The following TFDP2 variants were observed in gnomAD, a reference collection of about 807,000 sequenced individuals.
TFDP2 encodes transcription factor Dp-2.
Under a neutral mutation model 59.3 loss-of-function variants are expected in TFDP2, and 17 were observed. The observed-to-expected ratio is 0.29, with a 90% CI of 0.20 to 0.43. The LOEUF (loss-of-function observed/expected upper bound fraction) is 0.43. Among genes scored for constraint, TFDP2 ranks in the 20% least tolerant of loss-of-function variants. TFDP2 has a pLI of 1.00. For synonymous variants in TFDP2, 180 were observed against 194.7 expected (o/e 0.92, Z 0.63); for missense variants, 391 against 528.8 (o/e 0.74, Z 2.56).
At chr3:142,029,870 A>G (rs1267968575) in intron 3 of TFDP2, among the ~76,000 whole-genome samples, 1 of 152,204 alleles carries the variant, frequency 6.6e-6, no homozygotes, top group African/African-American at 2.4e-5. Context: ...CCAAACAAAA[A>G]ATCTCTGTCT....
At position 141,949,378 on chromosome 3, in the gene TFDP2, C is replaced by G. The variant is rs1394262770; in HGVS notation, c.*3135G>C. 2 of 152,228 alleles carry G rather than the reference C, an allele frequency of 1.3e-5. No homozygotes were observed. The highest frequency in any genetic ancestry group is 2.9e-5 in the Non-Finnish European group (2 of 68,068). 9.4% of individuals were successfully genotyped at this position (152,228 alleles called of 1,614,324 possible). A position where few individuals can be genotyped will look rare whatever the true frequency, so the allele number is the denominator to read the frequency against. ...TGGAGGACCGCCATGTTGGTCGCTC[C>G]TTTCCCGCCCTCCTCCAAGGCCCAC... On this transcript the variant is annotated 3_prime_UTR_variant, in exon 13 of 13. Transcript: ENST00000489671.
At chr3:141,999,181 G>A (rs147750141) in intron 4 of TFDP2, among the ~76,000 whole-genome samples, 11 of 152,258 alleles carry the variant, frequency 7.2e-5, no homozygotes, top group African/African-American at 1.7e-4. Flanking sequence ...ACGTGAAGAC[G>A]TCGAGGATGA....
At chr3:142,143,183 C>G (rs2063026150) in intron 1 of TFDP2, among the ~76,000 whole-genome samples, 1 of 152,046 alleles carries the variant, frequency 6.6e-6, no homozygotes, top group Admixed American at 6.5e-5. Context: ...TTGCAGTGAG[C>G]TGGTATCAAG....
At chr3:142,088,769 C>CCCAGACCA (rs1458167406) in intron 3 of TFDP2, among the ~76,000 whole-genome samples, 1 of 151,768 alleles carries the variant, frequency 6.6e-6, no homozygotes, top group Non-Finnish European at 1.5e-5. Context: ...AGCTACTGTG[C>CCCAGACCA]CCAGACCAGC....
intron 7 of TFDP2, among the ~76,000 whole-genome samples, chr3:141,977,232 G>T (rs1184088912): frequency 6.7e-6 from 1 of 148,886 alleles, no homozygotes; most frequent in Non-Finnish European, 1.5e-5. Context: ...GGAGTAGCTG[G>T]GACTACAGGT....
intron 8 of TFDP2, among the ~76,000 whole-genome samples, chr3:141,973,123 A>ATATATATATATATTTTTTT: frequency 1.6e-4 from 9 of 58,022 alleles, no homozygotes; most frequent in Admixed American, 3.6e-4. Flanking sequence ...ATATATATAT[A>ATATATATATATATTTTTTT]TTTTTTTTTT....
chr3:142,085,242 C>A (rs1268054766), intron 3 of TFDP2, among the ~76,000 whole-genome samples: 1 of 151,046 alleles, frequency 6.6e-6, no homozygotes, highest in Non-Finnish European at 1.5e-5. Flanking sequence ...TTATAAATAA[C>A]TAAAACAGTG....
At chr3:141,983,249 G>C (rs1941678050) in intron 6 of TFDP2, among the ~76,000 whole-genome samples, 1 of 152,052 alleles carries the variant, frequency 6.6e-6, no homozygotes, top group Non-Finnish European at 1.5e-5. Context: ...AAGCCACTTT[G>C]AAAGTTAAGC....
At chr3:142,042,737 CTTTTTTTTTT>C (rs1162932187) in intron 3 of TFDP2, among the ~76,000 whole-genome samples, 3 of 75,162 alleles carry the variant, frequency 4.0e-5, no homozygotes, top group Non-Finnish European at 7.6e-5. Context: ...TGCCTGGACG[CTTTTTTTTTT>C]TTTTTTTTTT....
intron 3 of TFDP2, among the ~76,000 whole-genome samples, chr3:142,032,554 G>A (rs897610958): frequency 3.7e-4 from 57 of 152,106 alleles, no homozygotes; most frequent in African/African-American, 1.3e-3. Context: ...GGCTTTTTCT[G>A]TTCTGCTGTA....
At chr3:142,096,356 T>C (rs1410617273) in intron 2 of TFDP2, among the ~76,000 whole-genome samples, 1 of 152,188 alleles carries the variant, frequency 6.6e-6, no homozygotes, top group Non-Finnish European at 1.5e-5. Context: ...AGCGAAAGCA[T>C]CCTAAAATAT....
chr3:142,042,737 CTT>C (rs1162932187), intron 3 of TFDP2, among the ~76,000 whole-genome samples: 1 of 75,158 alleles, frequency 1.3e-5, no homozygotes, highest in African/African-American at 6.1e-5. Flanking sequence ...TGCCTGGACG[CTT>C]TTTTTTTTTT....
intron 1 of TFDP2, among the ~76,000 whole-genome samples, chr3:142,129,290 G>A (rs916109521): frequency 6.8e-6 from 1 of 147,266 alleles, no homozygotes; most frequent in African/African-American, 2.4e-5. Context: ...GTTGCTGGAG[G>A]AAGTAACAGC....
intron 3 of TFDP2, chr3:142,028,510 G>C: frequency 3.1e-6 from 3 of 952,726 alleles, no homozygotes; most frequent in Non-Finnish European, 3.7e-6. Context: ...TATTGCTGCT[G>C]CTTAAAGAAT....
chr3:141,978,299 C>T (rs892591493), intron 7 of TFDP2, among the ~76,000 whole-genome samples: 4 of 151,328 alleles, frequency 2.6e-5, no homozygotes, highest in African/African-American at 2.4e-5. Context: ...GAGCCGAGAT[C>T]GCGCCACTGA....
In TFDP2 at chr3:142,038,168, A is replaced by T. The variant is rs553999189; in HGVS notation, c.83-32624T>A. Among the ~76,000 whole-genome samples the T allele has an allele frequency of 4.6e-5, 7 of 152,286 alleles. No individual in the cohort carries two copies. The South Asian group carries it at 1.5e-3, about 32-fold the overall frequency. ...GGGAGGCCGAAGCAGGTGGATCATGAGGTCAGGAGATTGAGACCATCCTGG... is the reference window on the plus strand; with the variant it reads ...GGGAGGCCGAAGCAGGTGGATCATGTGGTCAGGAGATTGAGACCATCCTGG... On this transcript the variant is annotated intron_variant, in intron 3 of 12. Transcript: ENST00000489671.
At chr3:141,968,393 A>T (rs1559936942) in intron 9 of TFDP2, among the ~76,000 whole-genome samples, 5 of 116,770 alleles carry the variant, frequency 4.3e-5, no homozygotes, top group Admixed American at 1.0e-4. Context: ...CATATATATA[A>T]CATATATATC....
intron 6 of TFDP2, among the ~76,000 whole-genome samples, chr3:141,992,401 C>T (rs1303194690): frequency 6.6e-6 from 1 of 152,140 alleles, no homozygotes; most frequent in African/African-American, 2.4e-5. Flanking sequence ...TTCTTACTTA[C>T]AAAGGAGAAT....
Position 142,002,035 on chromosome 3 carries a change from C to T in TFDP2, c.186+3406G>A, listed in dbSNP as rs1335273377. 3.4e-5 allele frequency among the ~76,000 whole-genome samples: 5 copies of T among 146,596 alleles called. No homozygotes were observed. In the Admixed American group the frequency reaches 3.5e-4, roughly 10 times the overall value. The stretch of plus-strand genomic sequence containing the variant: ...TCTGAGACAAAGTCTCGCTCTGTTG[C>T]CCAGGCTGGAGTGCAGTGGTGCAAT... On this transcript the variant is annotated intron_variant, in intron 4 of 12. Coordinates refer to ENST00000489671, the MANE Select transcript of TFDP2 (RefSeq NM_001178139.2).
Sources: gnomAD v4.1 joint callset for allele counts (sites outside exome capture counted in the v4.1 genomes callset) on GRCh38, gnomAD v4.1.1 for gene constraint, MANE v1.5 for transcripts, NCBI Gene and HGNC (gene_info 2026-07-23, HGNC 2026-07-21) for gene names.